The following NWD2 variants were observed in gnomAD, a reference collection of about 807,000 sequenced individuals.
NWD2 encodes NACHT and WD repeat domain containing 2.
A neutral mutation model predicts 132.7 loss-of-function variants in NWD2; 37 were observed. The observed-to-expected ratio is 0.28, with a 90% CI of 0.21 to 0.37. The LOEUF (loss-of-function observed/expected upper bound fraction) is 0.37. Ranked by LOEUF, NWD2 falls within the 10% of genes least tolerant of loss-of-function variation. The probability of loss-of-function intolerance (pLI) is 1.00; values close to 1 mark genes in which losing one functional copy is unlikely to be tolerated. For synonymous variants in NWD2, 705 were observed against 803.0 expected (o/e 0.88, Z 2.06); for missense variants, 1,592 against 2,122.4 (o/e 0.75, Z 4.91).
At chr4:37,298,877 G>A (rs1007228602) in intron 1 of NWD2, among the ~76,000 whole-genome samples, 1 of 152,102 alleles carries the variant, frequency 6.6e-6, no homozygotes, top group African/African-American at 2.4e-5. Flanking sequence ...AAAGTTATGG[G>A]TGAAGTACTT....
At chr4:37,440,300 T>G (rs1209013118) in intron 6 of NWD2, among the ~76,000 whole-genome samples, 1 of 152,164 alleles carries the variant, frequency 6.6e-6, no homozygotes, top group African/African-American at 2.4e-5. Flanking sequence ...CAGAAACCCT[T>G]GTCAGCTCAC....
Position 37,405,419 on chromosome 4 carries a change from T to C in NWD2, c.358-25153T>C, listed in dbSNP as rs1004136607. 6.1e-5 allele frequency among the ~76,000 whole-genome samples: 9 copies of C among 148,058 alleles called. No individual in the cohort carries two copies. The Admixed American group carries it at 6.2e-4, about 10-fold the overall frequency. ...TGCCATCAGCAATTTTTTAGTTGAATGTAATAGAATAGAATAGAATAGAAT... is the reference window on the plus strand; with the variant it reads ...TGCCATCAGCAATTTTTTAGTTGAACGTAATAGAATAGAATAGAATAGAAT... On this transcript the variant is annotated intron_variant, in intron 3 of 6. Transcript: ENST00000309447.
At position 37,361,534 on chromosome 4, in the gene NWD2, A is replaced by G. The variant is rs535517546; in HGVS notation, c.357+5052A>G. On this transcript the variant is annotated intron_variant, in intron 3 of 6. Coordinates refer to ENST00000309447, the MANE Select transcript of NWD2 (RefSeq NM_001144990.2). ...CTGGGATGCAAGGTTGGTTCAACAT[A>G]TGCAAACCAATAAATGTGACACACC... Among the ~76,000 whole-genome samples the G allele has an allele frequency of 1.4e-4, 22 of 152,304 alleles. No homozygotes were observed. The South Asian group carries it at 4.4e-3, about 30-fold the overall frequency.
chr4:37,302,266 T>A (rs1416272818), intron 1 of NWD2, among the ~76,000 whole-genome samples: 1 of 152,036 alleles, frequency 6.6e-6, no homozygotes, highest in Non-Finnish European at 1.5e-5. Context: ...CCAGGCTCAC[T>A]CATGTTGCCA....
At chr4:37,417,531 G>A (rs1711656984) in intron 3 of NWD2, among the ~76,000 whole-genome samples, 1 of 152,070 alleles carries the variant, frequency 6.6e-6, no homozygotes, top group South Asian at 2.1e-4. Flanking sequence ...GCCTGGATTT[G>A]CAGGTCAAAA....
intron 3 of NWD2, among the ~76,000 whole-genome samples, chr4:37,412,780 G>T (rs1265077558): frequency 6.6e-6 from 1 of 152,176 alleles, no homozygotes; most frequent in South Asian, 2.1e-4. Flanking sequence ...TACCAAAACA[G>T]ATATATAGAC....
At chr4:37,303,029 A>G (rs1214156870) in intron 1 of NWD2, among the ~76,000 whole-genome samples, 2 of 152,198 alleles carry the variant, frequency 1.3e-5, no homozygotes, top group Non-Finnish European at 2.9e-5. Context: ...GTCTTTGCTT[A>G]GATCAGTGTC....
chr4:37,350,411 T>C (rs1268361859), intron 2 of NWD2, among the ~76,000 whole-genome samples: 2 of 152,154 alleles, frequency 1.3e-5, no homozygotes, highest in Non-Finnish European at 2.9e-5. Flanking sequence ...CCCTTGTAAG[T>C]TGTATTTCTA....
intron 5 of NWD2, among the ~76,000 whole-genome samples, chr4:37,434,825 G>A (rs140774167): frequency 6.6e-6 from 1 of 151,114 alleles, no homozygotes; most frequent in Non-Finnish European, 1.5e-5. Context: ...GGAGAGATGA[G>A]GATAGAAGTT....
intron 1 of NWD2, among the ~76,000 whole-genome samples, chr4:37,297,960 G>A (rs1458130712): frequency 6.6e-6 from 1 of 152,050 alleles, no homozygotes; most frequent in Non-Finnish European, 1.5e-5. Context: ...AGACCCCCAG[G>A]AACACCCCTA....
rs192388000 is a variant in NWD2, at chr4:37,416,319, T to A, written c.358-14253T>A. 9.9e-4 allele frequency among the ~76,000 whole-genome samples: 150 copies of A among 152,064 alleles called. 1 individual carries two copies. The highest frequency in any genetic ancestry group is 2.3e-3 in the Admixed American group (35 of 15,274). ...TGGAACTTATATTTGTTATATTTTT[T>A]AAATAAATATATTTATATACCTTTA... On this transcript the variant is annotated intron_variant, in intron 3 of 6. Coordinates refer to ENST00000309447, the MANE Select transcript of NWD2 (RefSeq NM_001144990.2).
intron 2 of NWD2, among the ~76,000 whole-genome samples, chr4:37,336,764 C>T (rs1462638075): frequency 6.6e-6 from 1 of 151,870 alleles, no homozygotes; most frequent in Non-Finnish European, 1.5e-5. Flanking sequence ...CATGGTGAAA[C>T]CCCGTCTCTA....
At chr4:37,347,295 G>T in intron 2 of NWD2, among the ~76,000 whole-genome samples, 1 of 152,018 alleles carries the variant, frequency 6.6e-6, no homozygotes, top group East Asian at 1.9e-4. Context: ...CTGTTTCTAG[G>T]TAGATTATTT....
At chr4:37,275,449 A>G (rs1342335067) in intron 1 of NWD2, among the ~76,000 whole-genome samples, 7 of 152,080 alleles carry the variant, frequency 4.6e-5, no homozygotes, top group Admixed American at 3.3e-4. Flanking sequence ...ATAGAAGAAC[A>G]CTCCATGCTC....
At chr4:37,341,211 G>A (rs906703240) in intron 2 of NWD2, among the ~76,000 whole-genome samples, 3 of 152,172 alleles carry the variant, frequency 2.0e-5, no homozygotes. Context: ...AATTGGCTTT[G>A]TGTTAAATGC....
chr4:37,321,106 G>A (rs566992881), intron 1 of NWD2, among the ~76,000 whole-genome samples: 3 of 152,060 alleles, frequency 2.0e-5, no homozygotes, highest in South Asian at 2.1e-4. Context: ...GCAGTGAGCC[G>A]AGATCATGCC....
chr4:37,417,418 CAT>C (rs1345109450), intron 3 of NWD2, among the ~76,000 whole-genome samples: 8 of 151,712 alleles, frequency 5.3e-5, no homozygotes, highest in Admixed American at 5.3e-4. Flanking sequence ...AAATAAAAAA[CAT>C]ATAGAGGTAT....
intron 2 of NWD2, among the ~76,000 whole-genome samples, chr4:37,349,864 A>T (rs1446375712): frequency 6.6e-6 from 1 of 152,146 alleles, no homozygotes; most frequent in African/African-American, 2.4e-5. Context: ...ATTTTTATAT[A>T]AGTTATAAGG....
At chr4:37,394,799 G>GTTTTTTTTTGTTT (rs1720747283) in intron 3 of NWD2, among the ~76,000 whole-genome samples, 2 of 52,592 alleles carry the variant, frequency 3.8e-5, no homozygotes, top group African/African-American at 1.5e-4. Context: ...AACCTTTATG[G>GTTTTTTTTTGTTT]TTTTTTTTTT....
Sources: allele counts gnomAD v4.1 joint callset (sites outside exome capture counted in the v4.1 genomes callset), GRCh38; gene constraint gnomAD v4.1.1; transcripts MANE v1.5; gene names NCBI Gene and HGNC (gene_info 2026-07-23, HGNC 2026-07-21).